Variants in MYOCD observed in about 807,000 individuals in gnomAD.
MYOCD encodes the protein myocardin.
In MYOCD, 32 loss-of-function variants were observed where a neutral mutation model predicts 96.1. That is an observed-to-expected ratio of 0.33 (90% CI 0.25 to 0.45). The LOEUF is 0.45. Among genes scored for constraint, MYOCD ranks in the 20% least tolerant of loss-of-function variants. The pLI is 1.00. For synonymous variants in MYOCD, 469 were observed against 469.0 expected, an observed-to-expected ratio of 1.00 and a Z score of 0.00; for missense variants, 1,133 against 1,200.6, an observed-to-expected ratio of 0.94 and a Z score of 0.83.
chr17:12,704,965 CCTT>C (rs1399976971), intron 1 of MYOCD, 160 bp from the exon 2 acceptor site: 10 of 598,228 alleles, frequency 1.7e-5, no homozygotes, highest in Admixed American at 3.1e-5. Flanking sequence ...CAGCTTCTCT[CCTT>C]CTTCTTCCAC....
At chr17:12,715,062 C>G (rs1403609695) in intron 2 of MYOCD, among the ~76,000 whole-genome samples, 1 of 152,086 alleles carries the variant, frequency 6.6e-6, no homozygotes, top group Non-Finnish European at 1.5e-5. Context: ...ATCCAGAGTA[C>G]CGTCCCTTCC....
At chr17:12,666,786 A>AT (rs1184438361) in intron 1 of MYOCD, among the ~76,000 whole-genome samples, 2 of 152,032 alleles carry the variant, frequency 1.3e-5, no homozygotes, top group African/African-American at 4.8e-5. Flanking sequence ...TGCCACAAAT[A>AT]TTTTTTCCCA....
intron 1 of MYOCD, among the ~76,000 whole-genome samples, chr17:12,691,053 A>G (rs925530146): frequency 6.6e-6 from 1 of 152,208 alleles, no homozygotes; most frequent in African/African-American, 2.4e-5. Context: ...ATTGTTGCAC[A>G]TTCGGTAATG....
intron 1 of MYOCD, among the ~76,000 whole-genome samples, chr17:12,684,663 A>G (rs963915658): frequency 1.3e-5 from 2 of 151,866 alleles, no homozygotes; most frequent in Non-Finnish European, 2.9e-5. Flanking sequence ...TGGCCAACAT[A>G]GTGAAACCCC....
chr17:12,672,943 T>A (rs1315339049), intron 1 of MYOCD, among the ~76,000 whole-genome samples: 1 of 152,146 alleles, frequency 6.6e-6, no homozygotes, highest in Non-Finnish European at 1.5e-5. Context: ...AGTTTTCCCT[T>A]CTCAACTTGT....
chr17:12,667,779 T>C (rs1199575698), intron 1 of MYOCD, among the ~76,000 whole-genome samples: 1 of 152,206 alleles, frequency 6.6e-6, no homozygotes, highest in East Asian at 1.9e-4. Flanking sequence ...AACTTCCATC[T>C]CAGTGGATTT....
chr17:12,704,938 AAACCTTGT>A, intron 1 of MYOCD, 182 bp from the exon 2 acceptor site: 1 of 567,340 alleles, frequency 1.8e-6, no homozygotes, highest in Non-Finnish European at 3.2e-6. Context: ...ACTTACTGCA[AAACCTTGT>A]AACCTTCTCA....
Position 12,674,700 on chromosome 17 carries a change from G to C in MYOCD, c.55+8457G>C, listed in dbSNP as rs150722862. Among the ~76,000 whole-genome samples, 476 of 152,266 alleles carry C rather than the reference G, an allele frequency of 3.1e-3. 1 individual carries two copies. The highest frequency in any genetic ancestry group is 0.01 in the African/African-American group (424 of 41,558). On this transcript the variant is annotated intron_variant, in intron 1 of 13. Transcript: ENST00000425538. ...CCTCTGATAACAGTGGCTGTCCACT[G>C]TTTATCTACAATAAAATATGTAATG...
At chr17:12,694,881 C>CAAAAAAAAAAAAAA (rs201215491) in intron 1 of MYOCD, among the ~76,000 whole-genome samples, 3 of 69,648 alleles carry the variant, frequency 4.3e-5, no homozygotes, top group African/African-American at 1.0e-4. Context: ...AAGGAATAAC[C>CAAAAAAAAAAAAAA]AAAAAAAAAA....
At chr17:12,759,409 T>G (rs1160203755) in intron 12 of MYOCD, among the ~76,000 whole-genome samples, 1 of 152,218 alleles carries the variant, frequency 6.6e-6, no homozygotes, top group Admixed American at 6.5e-5. Context: ...TTTTTCTTAT[T>G]CTATATTCAG....
intron 4 of MYOCD, among the ~76,000 whole-genome samples, chr17:12,719,130 G>A (rs891490722): frequency 3.0e-5 from 4 of 132,424 alleles, no homozygotes; most frequent in African/African-American, 5.9e-5. Flanking sequence ...AGCTGAGATC[G>A]CGCCACCGCA....
At position 12,666,069 on chromosome 17, in the gene MYOCD, C is replaced by T. The variant is rs1909358614; in HGVS notation, c.-120C>T. ...CACTGTACTCCTACCCAGGGGAGCT[C>T]ACGGAGAGTTGGATGAATTCTGGGT... is the stretch of plus-strand genomic sequence containing the variant. On this transcript the variant is annotated 5_prime_UTR_variant, in exon 1 of 14. Coordinates refer to ENST00000425538, the MANE Select transcript of MYOCD (RefSeq NM_001146312.3). The T allele has an allele frequency of 2.8e-6, 2 of 716,322 alleles. No homozygotes were observed. The highest frequency in any genetic ancestry group is 3.5e-5 in the African/African-American group (2 of 57,018). 44.4% of individuals were successfully genotyped at this position (716,322 alleles called of 1,614,324 possible). A position where few individuals can be genotyped will look rare whatever the true frequency, so the allele number is the denominator to read the frequency against.
chr17:12,763,017 G>T, intron 13 of MYOCD, 56 bp from the exon 14 acceptor site: 3 of 1,450,690 alleles, frequency 2.1e-6, no homozygotes, highest in Non-Finnish European at 2.8e-6. Context: ...CACTCATATT[G>T]TGTGGCATGC....
intron 4 of MYOCD, among the ~76,000 whole-genome samples, chr17:12,719,243 A>T (rs2031749683): frequency 6.6e-6 from 1 of 151,042 alleles, no homozygotes; most frequent in Non-Finnish European, 1.5e-5. Flanking sequence ...AACAAATAAA[A>T]ATAAGTATCA....
rs994494080 is a variant in MYOCD at position 12,665,997 on chromosome 17, C to G, written c.-192C>G. On this transcript the variant is annotated 5_prime_UTR_variant, in exon 1 of 14. Coordinates refer to ENST00000425538, the MANE Select transcript of MYOCD (RefSeq NM_001146312.3). The surrounding 1 kb of genome is among the most constrained non-coding windows in gnomAD (Gnocchi z 4.2). The stretch of plus-strand genomic sequence containing the variant: ...CCCGCCGGCTAAGAGTTAATTAGCC[C>G]CGCACGGCGAGGGGGGAGGCGCCAG... The G allele has an allele frequency of 4.5e-5, 25 of 558,940 alleles. No individual in the cohort carries two copies. The Admixed American group carries it at 7.7e-4, about 17-fold the overall frequency. The allele number at this position is 558,940 out of a possible 1,614,324, so 34.6% of individuals were successfully genotyped here. A position where few individuals can be genotyped will look rare whatever the true frequency, so the allele number is the denominator to read the frequency against.
intron 2 of MYOCD, among the ~76,000 whole-genome samples, chr17:12,706,536 A>G (rs1017179222): frequency 1.3e-5 from 2 of 152,206 alleles, no homozygotes; most frequent in Non-Finnish European, 2.9e-5. Flanking sequence ...CGTAAGCCCA[A>G]GTTGTACACA....
At chr17:12,721,897 A>G (rs1205977828) in intron 4 of MYOCD, among the ~76,000 whole-genome samples, 1 of 152,162 alleles carries the variant, frequency 6.6e-6, no homozygotes. Context: ...CATTCCCTCC[A>G]TTGAATGTGA....
At chr17:12,699,040 C>T (rs2030929067) in intron 1 of MYOCD, among the ~76,000 whole-genome samples, 1 of 151,280 alleles carries the variant, frequency 6.6e-6, no homozygotes, top group African/African-American at 2.4e-5. Flanking sequence ...CCGCGCCCGG[C>T]CCCAGACCCT....
At chr17:12,667,887 G>C (rs1909462970) in intron 1 of MYOCD, among the ~76,000 whole-genome samples, 1 of 152,008 alleles carries the variant, frequency 6.6e-6, no homozygotes, top group African/African-American at 2.4e-5. Context: ...GCAGGCTTTT[G>C]TGTCATAAGG....
Sources: gnomAD v4.1 joint callset for allele counts (sites outside exome capture counted in the v4.1 genomes callset) on GRCh38, gnomAD v4.1.1 for gene constraint, Gnocchi (gnomAD v3.1) non-coding constraint, MANE v1.5 for transcripts, NCBI Gene and HGNC (gene_info 2026-07-23, HGNC 2026-07-21) for gene names.